EYS: variants seen among roughly 807,000 people sequenced by gnomAD.
EYS encodes the protein EGF-like photoreceptor maintenance factor.
Under a neutral mutation model 282.1 loss-of-function variants are expected in EYS, and 250 were observed. That is an observed-to-expected ratio of 0.89 (90% CI 0.80 to 0.98). The LOEUF is 0.98. Ranked by LOEUF, EYS falls within the 50% of genes least tolerant of loss-of-function variation. EYS has a pLI of 0.00. For synonymous variants in EYS, 1,355 were observed against 1,282.9 expected (o/e 1.06, Z -1.20); for missense variants, 4,016 against 3,709.0 (o/e 1.08, Z -2.15).
chr6:64,718,728 A>G (rs1771477221), intron 22 of EYS, among the ~76,000 whole-genome samples: 1 of 152,250 alleles, frequency 6.6e-6, no homozygotes, highest in South Asian at 2.1e-4. Flanking sequence ...TAAAAATAGT[A>G]GAATCAATCT....
At chr6:64,424,772 C>T (rs9362801) in intron 28 of EYS, among the ~76,000 whole-genome samples, 45,903 of 152,014 alleles carry the variant, frequency 0.3, 6,918 homozygotes, top group East Asian at 0.46. Flanking sequence ...GGGAAGAAGA[C>T]AGAGAAATCC....
At chr6:65,560,214 A>G (rs1768986048) in intron 2 of EYS, among the ~76,000 whole-genome samples, 1 of 114,688 alleles carries the variant, frequency 8.7e-6, no homozygotes, top group African/African-American at 3.6e-5. Context: ...TATTTATATT[A>G]TAAAATATAA....
At chr6:64,347,281 A>G (rs1486018057) in intron 29 of EYS, among the ~76,000 whole-genome samples, 1 of 151,476 alleles carries the variant, frequency 6.6e-6, no homozygotes, top group Non-Finnish European at 1.5e-5. Context: ...AGGTTATGAC[A>G]GCCAAAATTG....
At chr6:64,243,178 A>C (rs948334114) in intron 30 of EYS, among the ~76,000 whole-genome samples, 13 of 151,844 alleles carry the variant, frequency 8.6e-5, no homozygotes, top group African/African-American at 2.7e-4. Flanking sequence ...CTCCAAACCC[A>C]ATACACTTTC....
chr6:65,336,493 A>T (rs188006879), intron 10 of EYS, among the ~76,000 whole-genome samples: 2 of 151,748 alleles, frequency 1.3e-5, no homozygotes, highest in East Asian at 3.9e-4. Flanking sequence ...TTTATTACAC[A>T]ATTTTTTAAA....
intron 22 of EYS, among the ~76,000 whole-genome samples, chr6:64,712,060 G>A (rs999815316): frequency 1.4e-4 from 22 of 152,306 alleles, no homozygotes; most frequent in African/African-American, 3.4e-4. Flanking sequence ...GATTTAACTC[G>A]TAACTTGGCT....
chr6:65,254,064 G>T (rs144541317), intron 12 of EYS, among the ~76,000 whole-genome samples: 3 of 151,702 alleles, frequency 2.0e-5, no homozygotes, highest in African/African-American at 7.3e-5. Flanking sequence ...TTCTAAGAAG[G>T]CTTGCTAAAA....
intron 26 of EYS, among the ~76,000 whole-genome samples, chr6:64,567,019 C>T (rs1384366076): frequency 6.6e-6 from 1 of 152,174 alleles, no homozygotes; most frequent in Admixed American, 6.5e-5. Flanking sequence ...AGGTGATCCA[C>T]CTGCCTCAGC....
At chr6:65,370,484 G>T (rs368948649) in intron 8 of EYS, among the ~76,000 whole-genome samples, 95 of 150,380 alleles carry the variant, frequency 6.3e-4, no homozygotes, top group African/African-American at 2.3e-3. Context: ...CGAACTCCTG[G>T]CCTCAAGCCA....
intron 36 of EYS, among the ~76,000 whole-genome samples, chr6:63,847,538 A>G (rs890618468): frequency 6.6e-6 from 1 of 152,186 alleles, no homozygotes; most frequent in Non-Finnish European, 1.5e-5. Flanking sequence ...CACTAATAAT[A>G]TACATAAGCC....
intron 41 of EYS, among the ~76,000 whole-genome samples, chr6:63,738,288 G>A (rs917924587): frequency 2.0e-5 from 3 of 152,134 alleles, no homozygotes; most frequent in East Asian, 1.9e-4. Context: ...ACATGCACAC[G>A]TATGTTTATT....
intron 12 of EYS, among the ~76,000 whole-genome samples, chr6:65,086,027 C>CT (rs35717731): frequency 0.026 from 3,632 of 137,528 alleles, 43 homozygotes; most frequent in African/African-American, 0.034. Context: ...ACCTTCTCCT[C>CT]TTTTTTTTTT....
chr6:65,117,887 T>A (rs988625800), intron 12 of EYS, among the ~76,000 whole-genome samples: 3 of 152,132 alleles, frequency 2.0e-5, no homozygotes, highest in African/African-American at 7.2e-5. Flanking sequence ...TGAAAAATAT[T>A]TTGAGGAGGC....
intron 12 of EYS, among the ~76,000 whole-genome samples, chr6:65,085,293 C>T (rs932798370): frequency 6.6e-6 from 1 of 152,136 alleles, no homozygotes; most frequent in Admixed American, 6.5e-5. Context: ...TATCTCACAG[C>T]ATTTGTGATT....
chr6:65,372,144 A>G (rs1173089092), intron 8 of EYS, among the ~76,000 whole-genome samples: 2 of 152,012 alleles, frequency 1.3e-5, no homozygotes, highest in African/African-American at 4.8e-5. Flanking sequence ...TAAAAAAAAT[A>G]AGATAAAACA....
At chr6:65,332,149 T>C (rs1769819082) in intron 11 of EYS, 1 of 476,812 alleles carries the variant, frequency 2.1e-6, no homozygotes, top group South Asian at 3.6e-5. Context: ...ACTTCTCTTA[T>C]CAGATTGTGG....
At chr6:64,318,464 C>G (rs1188937747) in intron 29 of EYS, among the ~76,000 whole-genome samples, 1 of 151,870 alleles carries the variant, frequency 6.6e-6, no homozygotes, top group Non-Finnish European at 1.5e-5. Context: ...ATACAATATT[C>G]CAGATTTACA....
intron 15 of EYS, among the ~76,000 whole-genome samples, chr6:64,930,299 C>T (rs1768670952): frequency 6.6e-6 from 1 of 151,888 alleles, no homozygotes; most frequent in Admixed American, 6.6e-5. Context: ...GAGTGATCTA[C>T]CTACCCACAC....
At chr6:65,092,932 A>G (rs1774617836) in intron 12 of EYS, among the ~76,000 whole-genome samples, 1 of 152,156 alleles carries the variant, frequency 6.6e-6, no homozygotes, top group Non-Finnish European at 1.5e-5. Context: ...AATAACCAAC[A>G]ACTTCCCAAA....
Sources: gnomAD v4.1 joint callset for allele counts (sites outside exome capture counted in the v4.1 genomes callset) on GRCh38, gnomAD v4.1.1 for gene constraint, MANE v1.5 for transcripts, NCBI Gene and HGNC (gene_info 2026-07-23, HGNC 2026-07-21) for gene names.